The following NRG1 variants were observed in gnomAD, a reference collection of about 807,000 sequenced individuals.
NRG1 encodes neuregulin 1, also known as pro-neuregulin-1, membrane-bound isoform.
A neutral mutation model predicts 63.8 loss-of-function variants in NRG1; 18 were observed. The ratio of observed to expected loss-of-function variants is 0.28; its 90% CI spans 0.19 to 0.42. The LOEUF (loss-of-function observed/expected upper bound fraction) is 0.42. Ranked by LOEUF, NRG1 falls within the 10% of genes least tolerant of loss-of-function variation. NRG1 has a pLI of 1.00. For synonymous variants in NRG1, 302 were observed against 301.3 expected, an observed-to-expected ratio of 1.00 and a Z score of -0.02; for missense variants, 762 against 814.7, an observed-to-expected ratio of 0.94 and a Z score of 0.79.
At chr8:31,866,295 C>T (rs1013699196) in intron 1 of NRG1, among the ~76,000 whole-genome samples, 20 of 152,114 alleles carry the variant, frequency 1.3e-4, no homozygotes, top group African/African-American at 4.8e-4. Flanking sequence ...ATTGCCCATA[C>T]ATGGAATTTG....
At chr8:32,625,479 G>A (rs1328373821) in intron 5 of NRG1, among the ~76,000 whole-genome samples, 5 of 152,216 alleles carry the variant, frequency 3.3e-5, no homozygotes, top group Admixed American at 1.3e-4. Flanking sequence ...ACTTTAAAGA[G>A]CTTTTTAAGA....
intron 1 of NRG1, among the ~76,000 whole-genome samples, chr8:31,721,006 T>C (rs1408859576): frequency 2.0e-5 from 3 of 152,130 alleles, no homozygotes; most frequent in Non-Finnish European, 4.4e-5. Flanking sequence ...TTTTCTCTGC[T>C]CCACCAAATA....
At chr8:32,647,459 A>G (rs1308997634) in intron 5 of NRG1, 11 of 985,184 alleles carry the variant, frequency 1.1e-5, no homozygotes, top group Non-Finnish European at 1.3e-5. Flanking sequence ...GATGGTTTGG[A>G]GTAGCATTTA....
rs192986546 is a variant in NRG1 at position 32,437,199 on chromosome 8, T to A, written c.38-158629T>A. Among the ~76,000 whole-genome samples the A allele has an allele frequency of 2.0e-5, 3 of 152,204 alleles. No individual in the cohort carries two copies. The East Asian group carries it at 5.8e-4, about 29-fold the overall frequency. On this transcript the variant is annotated intron_variant, in intron 1 of 10. Coordinates refer to the NRG1 transcript ENST00000519301. ...AACACCTACCTACCTACCTACCTATTCATTGTCCATAGCCTAGGTAGTCTT... is the reference window on the plus strand; with the variant it reads ...AACACCTACCTACCTACCTACCTATACATTGTCCATAGCCTAGGTAGTCTT...
intron 1 of NRG1, among the ~76,000 whole-genome samples, chr8:32,126,098 T>A (rs1003809997): frequency 1.3e-5 from 2 of 152,022 alleles, no homozygotes; most frequent in East Asian, 3.9e-4. Flanking sequence ...TTTGTGTCTT[T>A]CCAGTTACTC....
chr8:32,764,119 C>G, exon 12 of NRG1: 4 of 1,614,044 alleles, frequency 2.5e-6, no homozygotes, highest in Non-Finnish European at 3.4e-6. Context: ...AGCCGGCGGG[C>G]CAAAAGAACC....
chr8:32,132,083 T>C (rs1418424632), intron 1 of NRG1, among the ~76,000 whole-genome samples: 1 of 152,004 alleles, frequency 6.6e-6, no homozygotes, highest in Non-Finnish European at 1.5e-5. Flanking sequence ...TATGTTTTTG[T>C]CATAACAGGT....
chr8:31,998,291 T>C (rs1812350052), intron 1 of NRG1, among the ~76,000 whole-genome samples: 1 of 152,044 alleles, frequency 6.6e-6, no homozygotes, highest in African/African-American at 2.4e-5. Context: ...CAATCAACTA[T>C]ACATATATTA....
At chr8:32,155,295 A>T (rs182081025) in intron 1 of NRG1, among the ~76,000 whole-genome samples, 11 of 152,314 alleles carry the variant, frequency 7.2e-5, no homozygotes, top group Non-Finnish European at 1.5e-4. Context: ...AGACTAGATC[A>T]AATGGTCTCT....
chr8:32,156,138 G>C (rs1054161792), intron 1 of NRG1, among the ~76,000 whole-genome samples: 3 of 152,284 alleles, frequency 2.0e-5, no homozygotes, highest in Non-Finnish European at 2.9e-5. Flanking sequence ...CATAGTACAT[G>C]CTCCTGACCT....
At chr8:31,868,181 C>A (rs1038214519) in intron 1 of NRG1, among the ~76,000 whole-genome samples, 2 of 151,200 alleles carry the variant, frequency 1.3e-5, no homozygotes, top group African/African-American at 4.9e-5. Flanking sequence ...CACACACACA[C>A]ACACACACAC....
At chr8:32,162,480 CA>C (rs1438855060) in intron 1 of NRG1, among the ~76,000 whole-genome samples, 7 of 151,864 alleles carry the variant, frequency 4.6e-5, no homozygotes, top group Non-Finnish European at 1.0e-4. Context: ...TTGTTTTTTT[CA>C]AACTAAAAAC....
intron 1 of NRG1, among the ~76,000 whole-genome samples, chr8:31,916,813 TC>T (rs1463831975): frequency 6.6e-6 from 1 of 151,850 alleles, no homozygotes; most frequent in Non-Finnish European, 1.5e-5. Context: ...TAGTTTACAG[TC>T]CCACCAACAA....
intron 5 of NRG1, among the ~76,000 whole-genome samples, chr8:32,651,696 A>G (rs761743395): frequency 1.3e-5 from 2 of 152,154 alleles, no homozygotes; most frequent in African/African-American, 2.4e-5. Context: ...TTGTTACCGC[A>G]GTGACAATAA....
chr8:32,117,018 T>C (rs539401190), intron 1 of NRG1, among the ~76,000 whole-genome samples: 1 of 149,546 alleles, frequency 6.7e-6, no homozygotes, highest in East Asian at 2.0e-4. Flanking sequence ...GGTATATGCC[T>C]GTAGTCCTAG....
intron 1 of NRG1, among the ~76,000 whole-genome samples, chr8:32,402,005 G>C (rs1326166604): frequency 6.6e-6 from 1 of 152,082 alleles, no homozygotes; most frequent in Non-Finnish European, 1.5e-5. Flanking sequence ...CTGCCTCCTT[G>C]GTTCAAGCAA....
intron 1 of NRG1, among the ~76,000 whole-genome samples, chr8:31,665,787 C>A (rs146186796): frequency 1.4e-4 from 21 of 151,950 alleles, no homozygotes; most frequent in African/African-American, 5.1e-4. Flanking sequence ...TGAAATGGTG[C>A]GATATGACCC....
chr8:31,921,991 G>A (rs975870189), intron 1 of NRG1, among the ~76,000 whole-genome samples: 3 of 152,076 alleles, frequency 2.0e-5, no homozygotes, highest in African/African-American at 4.8e-5. Context: ...AACACACATT[G>A]TGATCATTTA....
At chr8:31,717,176 G>T (rs1424261258) in intron 1 of NRG1, among the ~76,000 whole-genome samples, 1 of 152,102 alleles carries the variant, frequency 6.6e-6, no homozygotes, top group Non-Finnish European at 1.5e-5. Flanking sequence ...GGAGGCTGAG[G>T]CAGGTGGATC....
Sources: gnomAD v4.1 joint callset for allele counts (sites outside exome capture counted in the v4.1 genomes callset) on GRCh38, gnomAD v4.1.1 for gene constraint, MANE v1.5 for transcripts, NCBI Gene and HGNC (gene_info 2026-07-23, HGNC 2026-07-21) for gene names.